HTR4: variants seen among roughly 807,000 people sequenced by gnomAD.
The protein encoded by HTR4 is 5-hydroxytryptamine (serotonin) receptor 4, G protein-coupled.
A neutral mutation model predicts 36.8 loss-of-function variants in HTR4; 16 were observed. The observed-to-expected ratio is 0.43, with a 90% confidence interval of 0.29 to 0.66. The LOEUF is 0.66. Ranked by LOEUF, HTR4 falls within the 30% of genes least tolerant of loss-of-function variation. The probability of loss-of-function intolerance (pLI) is 0.13; values close to 1 mark genes in which losing one functional copy is unlikely to be tolerated. For missense variants in HTR4, 438 were observed against 490.9 expected (o/e 0.89, Z 1.02); for synonymous variants, 189 against 185.1 (o/e 1.02, Z -0.17).
intron 1 of HTR4, chr5:148,645,839 T>C (rs555920993): frequency 6.6e-6 from 1 of 152,290 alleles, no homozygotes; most frequent in Admixed American, 6.5e-5. Flanking sequence ...TAGTGGCCCA[T>C]CTCCCCTACT....
intron 2 of HTR4, among the ~76,000 whole-genome samples, chr5:148,620,875 C>T (rs941771164): frequency 3.3e-5 from 5 of 152,136 alleles, no homozygotes; most frequent in African/African-American, 1.2e-4. Context: ...CTCAGACTAA[C>T]CAAAAGGAAA....
At chr5:148,489,713 C>T (rs567330679) in intron 6 of HTR4, among the ~76,000 whole-genome samples, 8 of 152,064 alleles carry the variant, frequency 5.3e-5, no homozygotes, top group Middle Eastern at 6.8e-3. Flanking sequence ...GTTTATTGCA[C>T]GAAGAGTTAG....
intron 2 of HTR4, among the ~76,000 whole-genome samples, chr5:148,587,519 C>G (rs1761391246): frequency 6.6e-6 from 1 of 152,156 alleles, no homozygotes; most frequent in African/African-American, 2.4e-5. Context: ...CTTCAAGATT[C>G]TGCCTGGGCT....
At chr5:148,575,034 G>T (rs1760837636) in intron 2 of HTR4, among the ~76,000 whole-genome samples, 1 of 152,062 alleles carries the variant, frequency 6.6e-6, no homozygotes, top group African/African-American at 2.4e-5. Context: ...TGGCTGAATG[G>T]CTGATTGAAT....
At chr5:148,622,161 G>A (rs1387527153) in intron 2 of HTR4, among the ~76,000 whole-genome samples, 1 of 152,086 alleles carries the variant, frequency 6.6e-6, no homozygotes, top group Non-Finnish European at 1.5e-5. Context: ...TGGGTCCCTA[G>A]TACATTTTGA....
chr5:148,540,398 GTGTATATATA>G (rs1759047664), intron 4 of HTR4, among the ~76,000 whole-genome samples: 1 of 44,824 alleles, frequency 2.2e-5, no homozygotes, highest in Non-Finnish European at 5.1e-5. Context: ...TTTTATGTGT[GTGTATATATA>G]TATATATATA....
intron 1 of HTR4, among the ~76,000 whole-genome samples, chr5:148,653,000 C>T (rs1473062406): frequency 6.6e-6 from 1 of 152,256 alleles, no homozygotes; most frequent in Admixed American, 6.5e-5. Context: ...CCACCACCCA[C>T]GTCCTTTTCC....
In HTR4 at chr5:148,516,306, C is replaced by T. The variant is rs141916840; in HGVS notation, c.508-6282G>A. On this transcript the variant is annotated intron_variant, in intron 5 of 6. Coordinates refer to ENST00000377888, the MANE Select transcript of HTR4 (RefSeq NM_000870.7). ...TAGTTGCAGTATTTCCATTCAATTC[C>T]CCCCTCTTTTTTTTTTTTTTTTTTT... Among the ~76,000 whole-genome samples, 581 of 148,050 alleles carry T rather than the reference C, an allele frequency of 3.9e-3. 5 individuals carry two copies. The highest frequency in any genetic ancestry group is 0.014 in the African/African-American group (554 of 40,406).
At chr5:148,494,268 G>T (rs183470481) in intron 6 of HTR4, among the ~76,000 whole-genome samples, 95 of 152,240 alleles carry the variant, frequency 6.2e-4, no homozygotes, top group African/African-American at 2.1e-3. Context: ...CTGCACCATG[G>T]GGAAATTTTA....
At chr5:148,506,010 T>C (rs1290000513) in intron 6 of HTR4, among the ~76,000 whole-genome samples, 4 of 152,086 alleles carry the variant, frequency 2.6e-5, no homozygotes, top group Non-Finnish European at 5.9e-5. Flanking sequence ...CTCCAGAGAA[T>C]TGGAAAAAAC....
intron 1 of HTR4, among the ~76,000 whole-genome samples, chr5:148,641,929 A>G (rs1025191633): frequency 2.6e-5 from 4 of 152,168 alleles, no homozygotes; most frequent in African/African-American, 9.6e-5. Context: ...AATAGTCCCC[A>G]CCTACTGGAA....
intron 4 of HTR4, among the ~76,000 whole-genome samples, chr5:148,525,586 T>G (rs577241717): frequency 1.1e-3 from 173 of 152,310 alleles, no homozygotes; most frequent in African/African-American, 4.1e-3. Flanking sequence ...GCAGAGGGCT[T>G]TTTATCTCAG....
chr5:148,463,115 C>T (rs567549537), intron 5 of HTR4, among the ~76,000 whole-genome samples: 15 of 151,002 alleles, frequency 9.9e-5, no homozygotes, highest in African/African-American at 2.7e-4. Flanking sequence ...CAAGGATGTC[C>T]GCTGTCACCA....
In HTR4 at chr5:148,481,697, T is replaced by C; in HGVS notation, c.*1506A>G. The C allele has an allele frequency of 3.4e-6, 5 of 1,466,256 alleles. No homozygotes were observed. The highest frequency in any genetic ancestry group is 4.5e-6 in the Non-Finnish European group (5 of 1,121,984). The allele number at this position is 1,466,256 out of a possible 1,614,324, so 90.8% of individuals were successfully genotyped here. ...GCAATAAGAAAAAAAGAGAATATGA[T>C]AAATAATCCTGAGATGCTATTAAAC... On this transcript the variant is annotated 3_prime_UTR_variant, in exon 7 of 7. Transcript: ENST00000377888.
chr5:148,634,694 T>C (rs1359099031), intron 2 of HTR4, among the ~76,000 whole-genome samples: 1 of 152,156 alleles, frequency 6.6e-6, no homozygotes, highest in Non-Finnish European at 1.5e-5. Context: ...AACTGTACTC[T>C]CAAAGTCCCT....
chr5:148,566,408 A>G (rs1187579330), intron 2 of HTR4, among the ~76,000 whole-genome samples: 2 of 152,148 alleles, frequency 1.3e-5, no homozygotes, highest in East Asian at 3.9e-4. Flanking sequence ...TTGTATAACT[A>G]CAAGCTTTGA....
intron 2 of HTR4, among the ~76,000 whole-genome samples, chr5:148,621,588 C>T (rs1752921766): frequency 6.6e-6 from 1 of 152,186 alleles, no homozygotes; most frequent in Non-Finnish European, 1.5e-5. Flanking sequence ...TTGAACTTTT[C>T]AATTAGGTGA....
In HTR4 at chr5:148,509,537, T is replaced by C. The variant is rs757247054; in HGVS notation, c.995A>G (p.Glu332Gly). 1.9e-6 allele frequency: 3 copies of C among 1,613,960 alleles called. No homozygotes were observed. The East Asian group carries it at 6.7e-5, about 36-fold the overall frequency. ...AFLIILCCDD[E>G]RYRRPSILGQ... is the part of the protein sequence containing the mutation. ...CAGAATGGAAGGTCTTCGGTAGCGCTCATCATCACAGCAGAGGATGATGAG... is the reference window on the plus strand; with the variant it reads ...CAGAATGGAAGGTCTTCGGTAGCGCCCATCATCACAGCAGAGGATGATGAG... Residue 332 changes from glutamate to glycine, a missense_variant, in exon 6 of 7, where the codon GAG becomes GGG. Glu to Gly is a moderately conservative substitution (Grantham distance 98). Coordinates refer to ENST00000377888, the MANE Select transcript of HTR4 (RefSeq NM_000870.7).
chr5:148,526,120 T>C (rs976386486), intron 4 of HTR4, among the ~76,000 whole-genome samples: 2 of 152,136 alleles, frequency 1.3e-5, no homozygotes, highest in African/African-American at 4.8e-5. Context: ...TTCAGACTTC[T>C]AGCCTTTAGA....
Sources: allele counts gnomAD v4.1 joint callset (sites outside exome capture counted in the v4.1 genomes callset), GRCh38; gene constraint gnomAD v4.1.1; transcripts MANE v1.5; gene names NCBI Gene and HGNC (gene_info 2026-07-23, HGNC 2026-07-21).